The following WWOX variants were observed in gnomAD, a reference collection of about 807,000 sequenced individuals.
WWOX encodes the protein WW domain containing oxidoreductase, also known as WW domain-containing oxidoreductase.
Under a neutral mutation model 46.2 loss-of-function variants are expected in WWOX, and 69 were observed. The ratio of observed to expected loss-of-function variants is 1.49; its 90% CI spans 1.23 to 1.82. The LOEUF is 1.82. Ranked by LOEUF, WWOX falls within the 40% of genes most tolerant of loss-of-function variation. The pLI is 0.00. For synonymous variants in WWOX, 359 were observed against 202.6 expected, an observed-to-expected ratio of 1.77 and a Z score of -6.56; for missense variants, 919 against 542.6, an observed-to-expected ratio of 1.69 and a Z score of -6.89.
At chr16:78,129,165 G>C (rs2033486417) in intron 4 of WWOX, among the ~76,000 whole-genome samples, 1 of 152,146 alleles carries the variant, frequency 6.6e-6, no homozygotes, top group Admixed American at 6.5e-5. Context: ...GTCGCCACTT[G>C]CCCAGTGTTT....
intron 8 of WWOX, among the ~76,000 whole-genome samples, chr16:79,039,044 C>G (rs1465237066): frequency 2.0e-5 from 3 of 151,826 alleles, no homozygotes; most frequent in African/African-American, 4.8e-5. Flanking sequence ...AGTGTTAAAC[C>G]TCTACGTTGG....
chr16:79,128,403 A>C (rs936885081), intron 8 of WWOX, among the ~76,000 whole-genome samples: 1 of 152,134 alleles, frequency 6.6e-6, no homozygotes, highest in African/African-American at 2.4e-5. Flanking sequence ...AAAAACACTA[A>C]ACCCCAAATT....
intron 4 of WWOX, among the ~76,000 whole-genome samples, chr16:78,119,699 C>A (rs1463496430): frequency 1.3e-5 from 2 of 151,416 alleles, no homozygotes; most frequent in African/African-American, 4.9e-5. Flanking sequence ...CTCCTGGGTT[C>A]AAGTGATCCT....
chr16:78,828,592 A>T (rs1427343165), intron 8 of WWOX, among the ~76,000 whole-genome samples: 2 of 151,938 alleles, frequency 1.3e-5, no homozygotes, highest in Non-Finnish European at 2.9e-5. Flanking sequence ...CTATATACCA[A>T]ATTCTATCGG....
intron 8 of WWOX, among the ~76,000 whole-genome samples, chr16:78,877,704 G>C (rs1269354214): frequency 6.6e-6 from 1 of 152,050 alleles, no homozygotes; most frequent in African/African-American, 2.4e-5. Context: ...TGAGATTTTT[G>C]TCTCTTTTGC....
At chr16:78,372,746 T>C (rs1159510937) in intron 5 of WWOX, among the ~76,000 whole-genome samples, 2 of 152,234 alleles carry the variant, frequency 1.3e-5, no homozygotes, top group African/African-American at 2.4e-5. Flanking sequence ...AATAATCTTA[T>C]AGGATTCAGA....
At chr16:78,627,641 G>T (rs1281569910) in intron 8 of WWOX, among the ~76,000 whole-genome samples, 2 of 152,246 alleles carry the variant, frequency 1.3e-5, no homozygotes. Context: ...AAGAATGAAT[G>T]TGGACTGGGG....
intron 8 of WWOX, among the ~76,000 whole-genome samples, chr16:78,548,446 A>G (rs1172634332): frequency 6.6e-6 from 1 of 152,214 alleles, no homozygotes; most frequent in African/African-American, 2.4e-5. Context: ...TAATCTAAAG[A>G]CATCCTATCC....
At chr16:78,536,769 T>C (rs1173711457) in intron 8 of WWOX, among the ~76,000 whole-genome samples, 1 of 152,154 alleles carries the variant, frequency 6.6e-6, no homozygotes, top group Non-Finnish European at 1.5e-5. Context: ...AAAAGGTGAC[T>C]TGCCTCTAGC....
rs77340781 is a variant in WWOX, at chr16:78,332,391, A to T, written c.517-54469A>T. Among the ~76,000 whole-genome samples, 136 of 152,264 alleles carry T rather than the reference A, an allele frequency of 8.9e-4. 1 individual carries two copies. Among genetic ancestry groups the T allele is most frequent in the African/African-American group, 3.2e-3 (133 of 41,552 alleles). ...CAAGAATGGGTATTTCCTCTGTGCA[A>T]TCTGAGGGCACGGGACACTCCTCCA... On this transcript the variant is annotated intron_variant, in intron 5 of 8. Coordinates refer to ENST00000566780, the MANE Select transcript of WWOX (RefSeq NM_016373.4).
chr16:78,743,161 T>C lies in WWOX; in HGVS notation c.1056+310409T>C, dbSNP rs556948393. Among the ~76,000 whole-genome samples, 3 of 152,172 alleles carry C rather than the reference T, an allele frequency of 2.0e-5. No homozygotes were observed. In the South Asian group the frequency reaches 6.3e-4, roughly 32 times the overall value. Reference sequence around the variant, plus strand: ...CTGTGTGCTGCAGCCGTTATTGATATCAGTTCCCAGGCAAGGTTCATGCTG... The same window carrying C: ...CTGTGTGCTGCAGCCGTTATTGATACCAGTTCCCAGGCAAGGTTCATGCTG... On this transcript the variant is annotated intron_variant, in intron 8 of 8. Coordinates refer to ENST00000566780, the MANE Select transcript of WWOX (RefSeq NM_016373.4).
chr16:78,967,151 C>T (rs151026352), intron 8 of WWOX, among the ~76,000 whole-genome samples: 302 of 152,168 alleles, frequency 2.0e-3, no homozygotes, highest in African/African-American at 7.0e-3. Flanking sequence ...CCAAGTTTAC[C>T]TGCCTCTCTG....
At chr16:78,513,904 C>CA (rs1414446332) in intron 8 of WWOX, among the ~76,000 whole-genome samples, 1 of 150,034 alleles carries the variant, frequency 6.7e-6, no homozygotes, top group Non-Finnish European at 1.5e-5. Flanking sequence ...TCCCCCCCCC[C>CA]CCACTTGTAT....
chr16:78,545,567 G>A (rs756463959), intron 8 of WWOX, among the ~76,000 whole-genome samples: 48 of 152,246 alleles, frequency 3.2e-4, no homozygotes, highest in Non-Finnish European at 5.6e-4. Flanking sequence ...CAGATAAAAT[G>A]AGAGTGGAGA....
intron 5 of WWOX, among the ~76,000 whole-genome samples, chr16:78,323,035 C>T (rs915957563): frequency 1.3e-5 from 2 of 152,044 alleles, no homozygotes; most frequent in African/African-American, 4.8e-5. Context: ...GAATGAGACT[C>T]TGTCTCAAAA....
At chr16:78,162,509 A>G (rs2151733695) in intron 4 of WWOX, among the ~76,000 whole-genome samples, 1 of 144,822 alleles carries the variant, frequency 6.9e-6, no homozygotes, top group Non-Finnish European at 1.5e-5. Flanking sequence ...TTCTGCTTGT[A>G]GCTTGCACAT....
intron 8 of WWOX, among the ~76,000 whole-genome samples, chr16:78,701,027 C>A (rs184018692): frequency 6.6e-6 from 1 of 152,208 alleles, no homozygotes; most frequent in East Asian, 1.9e-4. Context: ...CAGGGTCTGC[C>A]AGATGTAGAT....
intron 5 of WWOX, among the ~76,000 whole-genome samples, chr16:78,240,393 CAG>C (rs1218959029): frequency 6.6e-6 from 1 of 152,196 alleles, no homozygotes; most frequent in East Asian, 1.9e-4. Context: ...AAGTCAGAGG[CAG>C]AGATTGGAGT....
rs2081147590 is a variant in WWOX, at chr16:78,349,347, A to G, written c.517-37513A>G. Among the ~76,000 whole-genome samples the G allele has an allele frequency of 1.7e-5, 2 of 121,052 alleles. 1 individual carries two copies. The highest frequency in any genetic ancestry group is 3.9e-5 in the Non-Finnish European group (2 of 50,676). 79.4% of individuals were successfully genotyped at this position (121,052 alleles called of 152,430 possible). ...GTCACATTCTGAGGTAGTACGGGTT[A>G]GGTCTTCAGCATATGAATTTTGGGG... is the stretch of plus-strand genomic sequence containing the variant. On this transcript the variant is annotated intron_variant, in intron 5 of 8. Transcript: ENST00000566780.
Sources: gnomAD v4.1 joint callset for allele counts (sites outside exome capture counted in the v4.1 genomes callset) on GRCh38, gnomAD v4.1.1 for gene constraint, MANE v1.5 for transcripts, NCBI Gene and HGNC (gene_info 2026-07-23, HGNC 2026-07-21) for gene names.